The following LRRFIP2 variants were observed in gnomAD, a reference collection of about 807,000 sequenced individuals.
LRRFIP2 encodes LRR binding FLII interacting protein 2, also known as leucine-rich repeat flightless-interacting protein 2.
A neutral mutation model predicts 125.9 loss-of-function variants in LRRFIP2; 109 were observed. The ratio of observed to expected loss-of-function variants is 0.87; its 90% CI spans 0.74 to 1.01. LRRFIP2 has a LOEUF of 1.01. Among genes scored for constraint, LRRFIP2 ranks in the 50% least tolerant of loss-of-function variants. The probability of loss-of-function intolerance (pLI) is 0.00; values close to 1 mark genes in which losing one functional copy is unlikely to be tolerated. For synonymous variants in LRRFIP2, 291 were observed against 293.1 expected (o/e 0.99, Z 0.07); for missense variants, 850 against 862.3 (o/e 0.99, Z 0.18).
chr3:37,057,692 ATC>A (rs1226312304), intron 25 of LRRFIP2, among the ~76,000 whole-genome samples: 19 of 152,162 alleles, frequency 1.2e-4, no homozygotes, highest in African/African-American at 4.1e-4. Flanking sequence ...TTGGCAGCCT[ATC>A]TCAGAAGGTT....
intron 19 of LRRFIP2, among the ~76,000 whole-genome samples, chr3:37,075,483 C>A (rs971868255): frequency 6.6e-6 from 1 of 151,868 alleles, no homozygotes; most frequent in Non-Finnish European, 1.5e-5. Context: ...AAAAAACATA[C>A]ATGTAAACTT....
At chr3:37,173,559 T>A (rs972721308) in intron 1 of LRRFIP2, among the ~76,000 whole-genome samples, 2 of 152,218 alleles carry the variant, frequency 1.3e-5, no homozygotes, top group South Asian at 2.1e-4. Flanking sequence ...ATGTTCCACA[T>A]AGAAAGCAAC....
At chr3:37,077,704 T>C (rs2092233991) in intron 19 of LRRFIP2, among the ~76,000 whole-genome samples, 2 of 152,152 alleles carry the variant, frequency 1.3e-5, no homozygotes, top group Admixed American at 1.3e-4. Flanking sequence ...AGTTACAAAA[T>C]TGTAAAACAA....
At chr3:37,055,982 C>T (rs1559627623) in intron 25 of LRRFIP2, among the ~76,000 whole-genome samples, 1 of 152,190 alleles carries the variant, frequency 6.6e-6, no homozygotes, top group African/African-American at 2.4e-5. Context: ...ATTATAAGTC[C>T]TTCCCTTGCT....
At chr3:37,161,900 A>G (rs542140792) in intron 1 of LRRFIP2, among the ~76,000 whole-genome samples, 10 of 152,044 alleles carry the variant, frequency 6.6e-5, no homozygotes, top group African/African-American at 2.4e-4. Flanking sequence ...AAGAGAAAAC[A>G]GGCTGGGTGC....
At chr3:37,126,569 AAAG>A (rs1237582609) in intron 4 of LRRFIP2, among the ~76,000 whole-genome samples, 1 of 151,906 alleles carries the variant, frequency 6.6e-6, no homozygotes, top group Non-Finnish European at 1.5e-5. Flanking sequence ...TAAAAAAAAA[AAAG>A]ATTTGGCTGG....
chr3:37,136,285 G>A (rs1243860544), intron 2 of LRRFIP2, among the ~76,000 whole-genome samples: 1 of 152,202 alleles, frequency 6.6e-6, no homozygotes, highest in Non-Finnish European at 1.5e-5. Context: ...GGCTGGGGAA[G>A]GGGAAGATGA....
At position 37,065,860 on chromosome 3, in the gene LRRFIP2, A is replaced by G. The variant is rs1380927531; in HGVS notation, c.1649T>C (p.Val550Ala). Residue 550 changes from valine to alanine, a missense_variant, in exon 23 of 28, where the codon GTG becomes GCG. Val to Ala is a moderately conservative substitution (Grantham distance 64). Transcript: ENST00000336686. ...HEPVAGAITV[V>A]SQEAAQVLES... Reference sequence around the variant, plus strand: ...CAAGACCTGAGCAGCTTCCTGAGACACAACAGTGATGGCTCCAGCCACTGG... The same window carrying G: ...CAAGACCTGAGCAGCTTCCTGAGACGCAACAGTGATGGCTCCAGCCACTGG... 2 of 1,614,078 alleles carry G rather than the reference A, an allele frequency of 1.2e-6. No homozygotes were observed. Among genetic ancestry groups the G allele is most frequent in the Non-Finnish European group, 1.7e-6 (2 of 1,180,018 alleles).
chr3:37,136,209 A>G (rs948430261), intron 2 of LRRFIP2, among the ~76,000 whole-genome samples: 1 of 152,234 alleles, frequency 6.6e-6, no homozygotes, highest in African/African-American at 2.4e-5. Flanking sequence ...TGCATGATTC[A>G]ATTTATATGA....
intron 15 of LRRFIP2, among the ~76,000 whole-genome samples, chr3:37,100,977 T>C (rs1487430821): frequency 6.6e-6 from 1 of 152,002 alleles, no homozygotes; most frequent in Non-Finnish European, 1.5e-5. Flanking sequence ...ATTAAAACAG[T>C]TCAGAAATAG....
In LRRFIP2 at chr3:37,094,899, G is replaced by T. The variant is rs112346906; in HGVS notation, c.928C>A (p.Arg310=). The change falls in exon 17 of 28, where the codon CGA becomes AGA. Residue 310 remains arginine (R), a synonymous_variant. Coordinates refer to ENST00000336686, the MANE Select transcript of LRRFIP2 (RefSeq NM_006309.4). ...GGGGTTGTTGCTGAGGCAGAATTTC[G>T]AGATGAAGGCTAGAAAGAGAAATAT... ...YAENYTRPSS[R]NSASATTPLS... The T allele has an allele frequency of 5.6e-6, 9 of 1,600,330 alleles. No individual in the cohort carries two copies. The African/African-American group carries it at 8.0e-5, about 14-fold the overall frequency.
chr3:37,114,006 G>C lies in LRRFIP2; in HGVS notation c.373-1026C>G, dbSNP rs901139946. On this transcript the variant is annotated intron_variant, in intron 7 of 27. Transcript: ENST00000336686. The stretch of plus-strand genomic sequence containing the variant: ...TGCCTGAAATAAGAGAGTGTGGCTA[G>C]AAGTGCCCTACCTATCAAGAGCCAA... 2.0e-5 allele frequency among the ~76,000 whole-genome samples: 3 copies of C among 152,118 alleles called. No individual in the cohort carries two copies. The East Asian group carries it at 5.8e-4, about 29-fold the overall frequency.
chr3:37,102,229 T>G (rs1023066765), intron 15 of LRRFIP2, among the ~76,000 whole-genome samples: 30 of 152,198 alleles, frequency 2.0e-4, no homozygotes, highest in African/African-American at 7.0e-4. Flanking sequence ...GAAAAAATGT[T>G]CAGTTACAGA....
At chr3:37,117,004 AT>A (rs1185218788) in intron 6 of LRRFIP2, among the ~76,000 whole-genome samples, 1 of 152,100 alleles carries the variant, frequency 6.6e-6, no homozygotes, top group African/African-American at 2.4e-5. Context: ...AAAATGCGTA[AT>A]AGTATGCATT....
chr3:37,085,440 G>T (rs1432257448), intron 18 of LRRFIP2, among the ~76,000 whole-genome samples: 1 of 151,596 alleles, frequency 6.6e-6, no homozygotes, highest in Non-Finnish European at 1.5e-5. Context: ...AGAATTGCTT[G>T]AACCCAGGAG....
At chr3:37,064,486 C>T (rs1292929295) in intron 23 of LRRFIP2, 1 of 151,242 alleles carries the variant, frequency 6.6e-6, no homozygotes, top group Non-Finnish European at 1.5e-5. Context: ...CCCAGCTACT[C>T]GGGAAGCCGT....
At chr3:37,129,745 C>T (rs2095378291) in intron 2 of LRRFIP2, among the ~76,000 whole-genome samples, 2 of 152,162 alleles carry the variant, frequency 1.3e-5, no homozygotes, top group African/African-American at 4.8e-5. Flanking sequence ...GTAATCCCAG[C>T]ACTTTGGGAG....
intron 19 of LRRFIP2, among the ~76,000 whole-genome samples, chr3:37,075,534 A>C (rs915794648): frequency 1.3e-5 from 2 of 152,176 alleles, no homozygotes; most frequent in Admixed American, 1.3e-4. Context: ...AATTATATAA[A>C]GCATTCCCAA....
At chr3:37,166,607 C>G (rs1177843257) in intron 1 of LRRFIP2, among the ~76,000 whole-genome samples, 2 of 152,124 alleles carry the variant, frequency 1.3e-5, no homozygotes, top group African/African-American at 4.8e-5. Flanking sequence ...TACGTAATCC[C>G]AGCACTTTGG....
Sources: allele counts gnomAD v4.1 joint callset (sites outside exome capture counted in the v4.1 genomes callset), GRCh38; gene constraint gnomAD v4.1.1; transcripts MANE v1.5; gene names NCBI Gene and HGNC (gene_info 2026-07-23, HGNC 2026-07-21).